Variants in RIMS2 observed in about 807,000 individuals in gnomAD.
RIMS2 encodes regulating synaptic membrane exocytosis 2.
A neutral mutation model predicts 174.4 loss-of-function variants in RIMS2; 59 were observed. The ratio of observed to expected loss-of-function variants is 0.34; its 90% CI spans 0.27 to 0.42. RIMS2 has a LOEUF of 0.42. RIMS2 is among the 10% of genes least tolerant of loss of function. The pLI, the probability that RIMS2 is intolerant of heterozygous loss-of-function variation, is 1.00. For synonymous variants in RIMS2, 606 were observed against 572.5 expected (o/e 1.06, Z -0.84); for missense variants, 1,620 against 1,666.3 (o/e 0.97, Z 0.48).
intron 1 of RIMS2, among the ~76,000 whole-genome samples, chr8:103,527,627 G>A (rs1480737269): frequency 6.6e-6 from 1 of 151,842 alleles, no homozygotes; most frequent in East Asian, 1.9e-4. Context: ...ACCTATGAGT[G>A]AGAACATGTG....
At chr8:103,607,970 T>A (rs1053141238) in intron 1 of RIMS2, among the ~76,000 whole-genome samples, 6 of 146,158 alleles carry the variant, frequency 4.1e-5, no homozygotes, top group Admixed American at 3.3e-4. Flanking sequence ...CTCAGAGTAA[T>A]TTGATCGTCT....
intron 19 of RIMS2, among the ~76,000 whole-genome samples, chr8:104,022,478 C>T (rs1156960034): frequency 6.6e-6 from 1 of 152,050 alleles, no homozygotes; most frequent in East Asian, 1.9e-4. Flanking sequence ...CCCCTCCCGG[C>T]TCAAGGGATT....
chr8:104,119,569 A>C (rs1566526504), intron 19 of RIMS2, among the ~76,000 whole-genome samples: 4 of 152,200 alleles, frequency 2.6e-5, no homozygotes, highest in Non-Finnish European at 5.9e-5. Flanking sequence ...CTGAATGTTA[A>C]AATTATTATT....
At chr8:104,066,916 T>G (rs969415522) in intron 19 of RIMS2, among the ~76,000 whole-genome samples, 1 of 152,150 alleles carries the variant, frequency 6.6e-6, no homozygotes, top group Non-Finnish European at 1.5e-5. Flanking sequence ...TCATATTATT[T>G]TCATTAAACG....
intron 19 of RIMS2, among the ~76,000 whole-genome samples, chr8:104,084,734 A>G (rs1213620407): frequency 1.3e-5 from 2 of 152,122 alleles, no homozygotes; most frequent in Non-Finnish European, 2.9e-5. Context: ...ATCATGGACT[A>G]TGCCTAGTTA....
intron 1 of RIMS2, among the ~76,000 whole-genome samples, chr8:103,687,098 T>G (rs561073175): frequency 6.6e-6 from 1 of 152,314 alleles, no homozygotes; most frequent in Admixed American, 6.5e-5. Context: ...ATTTGAAAGG[T>G]TCTTAAACTA....
At chr8:103,565,843 C>T (rs538164149) in intron 1 of RIMS2, among the ~76,000 whole-genome samples, 29 of 152,086 alleles carry the variant, frequency 1.9e-4, no homozygotes, top group African/African-American at 4.8e-4. Context: ...AGTTCAAGGA[C>T]GAGTCAAAGC....
intron 19 of RIMS2, among the ~76,000 whole-genome samples, chr8:104,138,232 A>G (rs1351957647): frequency 1.3e-5 from 2 of 152,150 alleles, no homozygotes; most frequent in African/African-American, 4.8e-5. Flanking sequence ...CTTGGCTGTC[A>G]TGAATAGTGC....
chr8:103,711,623 G>A (rs901825813), intron 2 of RIMS2, among the ~76,000 whole-genome samples: 1 of 152,110 alleles, frequency 6.6e-6, no homozygotes, highest in Non-Finnish European at 1.5e-5. Context: ...AGGCAGGTGC[G>A]GTGGCTCAAC....
intron 3 of RIMS2, among the ~76,000 whole-genome samples, chr8:103,863,886 A>G (rs1019450922): frequency 8.5e-6 from 1 of 117,558 alleles, no homozygotes; most frequent in Non-Finnish European, 1.7e-5. Context: ...CAAAGAACCA[A>G]GTTTTTTTTT....
At chr8:104,230,007 T>C (rs1387817307) in intron 19 of RIMS2, among the ~76,000 whole-genome samples, 5 of 152,134 alleles carry the variant, frequency 3.3e-5, no homozygotes, top group Non-Finnish European at 5.9e-5. Flanking sequence ...TGTGCCGGCA[T>C]GCTGGCTCAC....
At chr8:104,066,284 T>G (rs2097103876) in intron 19 of RIMS2, among the ~76,000 whole-genome samples, 1 of 152,172 alleles carries the variant, frequency 6.6e-6, no homozygotes, top group Non-Finnish European at 1.5e-5. Context: ...CAGAAAGAAT[T>G]TTAATATAGC....
At chr8:103,736,460 G>C (rs1013314775) in intron 2 of RIMS2, among the ~76,000 whole-genome samples, 2 of 152,118 alleles carry the variant, frequency 1.3e-5, no homozygotes, top group African/African-American at 4.8e-5. Context: ...TATTCATTAT[G>C]AGAAATGACT....
intron 19 of RIMS2, among the ~76,000 whole-genome samples, chr8:104,112,917 AAATC>A (rs1460185189): frequency 2.0e-5 from 3 of 152,198 alleles, no homozygotes; most frequent in African/African-American, 7.2e-5. Flanking sequence ...ATAATTCTAA[AAATC>A]AAATTTTAAA....
At chr8:103,911,580 A>G (rs1026921078) in intron 5 of RIMS2, among the ~76,000 whole-genome samples, 1 of 152,176 alleles carries the variant, frequency 6.6e-6, no homozygotes, top group Non-Finnish European at 1.5e-5. Flanking sequence ...TAATGTTTTA[A>G]TATGATTTGA....
chr8:103,587,433 AAAG>A (rs2093998792), intron 1 of RIMS2, among the ~76,000 whole-genome samples: 3 of 121,514 alleles, frequency 2.5e-5, no homozygotes, highest in Admixed American at 7.7e-5. Context: ...AGAAAGAAAG[AAAG>A]AAAGAAAGAA....
At chr8:103,574,414 C>T (rs1411245029) in intron 1 of RIMS2, among the ~76,000 whole-genome samples, 4 of 152,166 alleles carry the variant, frequency 2.6e-5, no homozygotes, top group African/African-American at 4.8e-5. Flanking sequence ...ATCTCACAGA[C>T]CGATATTGTT....
intron 14 of RIMS2, among the ~76,000 whole-genome samples, chr8:103,960,455 C>T (rs2089619212): frequency 6.6e-6 from 1 of 152,068 alleles, no homozygotes; most frequent in South Asian, 2.1e-4. Context: ...TTGTGGATGA[C>T]TTTTTTCTTA....
chr8:104,117,802 A>G (rs892190448), intron 19 of RIMS2, among the ~76,000 whole-genome samples: 2 of 152,220 alleles, frequency 1.3e-5, no homozygotes, highest in South Asian at 4.1e-4. Flanking sequence ...TATTTCTTCT[A>G]GTACTTAGTT....
Sources: allele counts gnomAD v4.1 joint callset (sites outside exome capture counted in the v4.1 genomes callset), GRCh38; gene constraint gnomAD v4.1.1; transcripts MANE v1.5; gene names NCBI Gene and HGNC (gene_info 2026-07-23, HGNC 2026-07-21).